Variants in PBK observed in about 807,000 individuals in gnomAD.
PBK encodes the protein PDZ binding kinase, also known as lymphokine-activated killer T-cell-originated protein kinase.
Under a neutral mutation model 33.5 loss-of-function variants are expected in PBK, and 22 were observed. The observed-to-expected ratio is 0.66, with a 90% CI of 0.47 to 0.94. PBK has a LOEUF of 0.94. Ranked by LOEUF, PBK falls within the 40% of genes least tolerant of loss-of-function variation. The probability of loss-of-function intolerance (pLI) is 0.00; values close to 1 mark genes in which losing one functional copy is unlikely to be tolerated. For synonymous variants in PBK, 129 were observed against 123.8 expected (o/e 1.04, Z -0.28); for missense variants, 376 against 383.4 (o/e 0.98, Z 0.16).
chr8:27,821,718 G>T (rs1585428200), intron 5 of PBK, among the ~76,000 whole-genome samples: 1 of 152,150 alleles, frequency 6.6e-6, no homozygotes, highest in South Asian at 2.1e-4. Context: ...TTTGAGGCTA[G>T]TCTAGTAATT....
intron 5 of PBK, 120 bp from the exon 6 acceptor site, chr8:27,820,814 G>A (rs1805910905): frequency 1.9e-6 from 1 of 518,122 alleles, no homozygotes; most frequent in Non-Finnish European, 3.1e-6. Context: ...CATTTGTCCA[G>A]CGTTTCAAAA....
intron 6 of PBK, among the ~76,000 whole-genome samples, chr8:27,817,606 T>C (rs1805843510): frequency 6.6e-6 from 1 of 152,154 alleles, no homozygotes; most frequent in African/African-American, 2.4e-5. Context: ...AATGAAGTTT[T>C]GCAGGAAATA....
At chr8:27,837,257 C>T (rs1806244300) in intron 1 of PBK, among the ~76,000 whole-genome samples, 1 of 152,170 alleles carries the variant, frequency 6.6e-6, no homozygotes, top group African/African-American at 2.4e-5. Context: ...CGTCAGTGAC[C>T]TTTGGGCCCT....
At chr8:27,819,149 C>T (rs1460677094) in intron 6 of PBK, among the ~76,000 whole-genome samples, 3 of 152,072 alleles carry the variant, frequency 2.0e-5, no homozygotes, top group Admixed American at 6.5e-5. Context: ...CTCCTTTCAT[C>T]GAGTTTTCCC....
In PBK at chr8:27,822,458, C is replaced by T. The variant is rs756387355; in HGVS notation, c.326G>A (p.Gly109Asp). 16 of 1,608,838 alleles carry T rather than the reference C, an allele frequency of 9.9e-6. No homozygotes were observed. The highest frequency in any genetic ancestry group is 1.4e-5 in the Non-Finnish European group (16 of 1,177,600). Residue 109 changes from glycine (G) to aspartate (D), a missense_variant, in exon 5 of 8, where the codon GGC (glycine) becomes GAC (aspartate). Coordinates refer to ENST00000301905, the MANE Select transcript of PBK (RefSeq NM_018492.4). The stretch of plus-strand genomic sequence containing the variant: ...ATATTCCATAGCAAGACACAGACTG[C>T]CATCATTGGCTTCAGTAAAAGCACG... ...GYRAFTEAND[G>D]SLCLAMEYGG...
At chr8:27,814,385 T>G (rs955959149) in intron 6 of PBK, among the ~76,000 whole-genome samples, 4 of 152,194 alleles carry the variant, frequency 2.6e-5, no homozygotes, top group African/African-American at 9.6e-5. Flanking sequence ...AACCCTTTTC[T>G]CATTCCTGTT....
At chr8:27,810,731 A>G (rs983246138) in intron 7 of PBK, among the ~76,000 whole-genome samples, 3 of 152,030 alleles carry the variant, frequency 2.0e-5, no homozygotes, top group African/African-American at 7.2e-5. Flanking sequence ...TAGTTTTCCA[A>G]TCAATCATTT....
At chr8:27,810,541 T>C (rs374960226) in intron 7 of PBK, 40 bp from the exon 8 acceptor site, 39 of 1,298,936 alleles carry the variant, frequency 3.0e-5, no homozygotes, top group Admixed American at 5.8e-5. Context: ...ACAAAATCAC[T>C]TTATGTCATG....
rs937028651 is a variant in PBK at position 27,809,972 on chromosome 8, ATATT to A, written c.*329_*332del. On this transcript the variant is annotated 3_prime_UTR_variant, in exon 8 of 8. Coordinates refer to ENST00000301905, the MANE Select transcript of PBK (RefSeq NM_018492.4). ...GTCAGTAGATCCATTAAAATATAGA[ATATT>A]TAAGAAAGATCATTAATAAAAGTAA... 1.6e-5 allele frequency: 4 copies of A among 247,498 alleles called. No individual in the cohort carries two copies. The highest frequency in any genetic ancestry group is 5.7e-5 in the South Asian group (1 of 17,654). The allele number at this position is 247,498 out of a possible 1,614,324, so 15.3% of individuals were successfully genotyped here.
intron 6 of PBK, among the ~76,000 whole-genome samples, chr8:27,819,985 A>C (rs1682918155): frequency 6.6e-6 from 1 of 152,146 alleles, no homozygotes; most frequent in African/African-American, 2.4e-5. Flanking sequence ...CCATTTGTTT[A>C]ACTTCTGTTG....
intron 3 of PBK, among the ~76,000 whole-genome samples, chr8:27,826,395 C>G (rs761459772): frequency 3.3e-5 from 5 of 152,074 alleles, no homozygotes; most frequent in Admixed American, 6.6e-5. Context: ...TAATAAGACA[C>G]AAGATACCTA....
rs1015825341 is a variant in PBK at position 27,837,781 on chromosome 8, G to T, written c.-150C>A. The T allele has an allele frequency of 6.6e-6, 1 of 152,194 alleles. No homozygotes were observed. The highest frequency in any genetic ancestry group is 2.1e-4 in the South Asian group (1 of 4,814). 9.4% of individuals were successfully genotyped at this position (152,194 alleles called of 1,614,324 possible). A position where few individuals can be genotyped will look rare whatever the true frequency, so the allele number is the denominator to read the frequency against. On this transcript the variant is annotated 5_prime_UTR_variant, in exon 1 of 8. Coordinates refer to ENST00000301905, the MANE Select transcript of PBK (RefSeq NM_018492.4). ...GCCTCTAGCACCAACACATACGCCC[G>T]GCAGCTGCCGTTGCAATTCGAACCC...
chr8:27,831,916 A>C (rs1806139017), intron 2 of PBK, among the ~76,000 whole-genome samples: 1 of 152,170 alleles, frequency 6.6e-6, no homozygotes, highest in African/African-American at 2.4e-5. Context: ...TTTACTAGTG[A>C]ATTCCACCAA....
chr8:27,824,403 A>C (rs1805988549), intron 3 of PBK, among the ~76,000 whole-genome samples: 2 of 152,138 alleles, frequency 1.3e-5, no homozygotes, highest in Admixed American at 1.3e-4. Context: ...AAAAAGACTA[A>C]TAGAAAAAAG....
At chr8:27,834,023 T>C (rs1308887500) in intron 1 of PBK, among the ~76,000 whole-genome samples, 1 of 147,706 alleles carries the variant, frequency 6.8e-6, no homozygotes, top group Admixed American at 6.7e-5. Flanking sequence ...ACATATATGA[T>C]GATCCTTTTT....
Position 27,828,107 on chromosome 8 carries a change from T to G in PBK, c.150A>C (p.Lys50Asn), listed in dbSNP as rs373317946. ...TTAATCTGAAATCTTATACTTACCT[T>G]TTCATTAGGTACACATTTACCCCAG... is the stretch of plus-strand genomic sequence containing the variant. ...FGTGVNVYLM[K>N]RSPRGLSHSP... Residue 50 changes from lysine to asparagine, a missense_variant and splice_region_variant, in exon 3 of 8, where the codon AAA (lysine) becomes AAC (asparagine). Physicochemically the swap from Lys to Asn is moderately conservative, Grantham distance 94. Transcript: ENST00000301905. The G allele has an allele frequency of 9.1e-6, 13 of 1,421,826 alleles. No individual in the cohort carries two copies. Among genetic ancestry groups the G allele is most frequent in the Non-Finnish European group, 1.3e-5 (13 of 1,008,250 alleles). 88.1% of individuals were successfully genotyped at this position (1,421,826 alleles called of 1,614,324 possible).
intron 6 of PBK, among the ~76,000 whole-genome samples, chr8:27,819,868 T>G (rs1328113118): frequency 6.6e-6 from 1 of 152,196 alleles, no homozygotes; most frequent in East Asian, 1.9e-4. Flanking sequence ...CATCATTTAT[T>G]TATAAAGTCT....
At chr8:27,833,671 G>A (rs1806174233) in intron 1 of PBK, among the ~76,000 whole-genome samples, 1 of 151,612 alleles carries the variant, frequency 6.6e-6, no homozygotes, top group African/African-American at 2.4e-5. Context: ...TTAGTGATTG[G>A]GTATTTTTGT....
chr8:27,836,729 A>T (rs2128966548), intron 1 of PBK, among the ~76,000 whole-genome samples: 1 of 152,302 alleles, frequency 6.6e-6, no homozygotes, highest in East Asian at 1.9e-4. Flanking sequence ...GATATTCAGA[A>T]GCAGCACGTT....
Sources: allele counts gnomAD v4.1 joint callset (sites outside exome capture counted in the v4.1 genomes callset), GRCh38; gene constraint gnomAD v4.1.1; transcripts MANE v1.5; gene names NCBI Gene and HGNC (gene_info 2026-07-23, HGNC 2026-07-21).